Variants in SPTBN2 observed in about 807,000 individuals in gnomAD.
SPTBN2 encodes the protein spectrin beta, non-erythrocytic 2, also known as spectrin beta chain, non-erythrocytic 2.
SPTBN2 carries 107 observed loss-of-function variants against 284.2 expected under a neutral mutation model. That is an observed-to-expected ratio of 0.38 (90% CI 0.32 to 0.44). SPTBN2 has a LOEUF of 0.44. Among genes scored for constraint, SPTBN2 ranks in the 20% least tolerant of loss-of-function variants. The probability of loss-of-function intolerance (pLI) is 1.00; values close to 1 mark genes in which losing one functional copy is unlikely to be tolerated. For missense variants in SPTBN2, 2,569 were observed against 3,287.1 expected (o/e 0.78, Z 5.34); for synonymous variants, 1,289 against 1,354.8 (o/e 0.95, Z 1.07).
chr11:66,717,603 C>T (rs1942205930), intron 3 of SPTBN2, among the ~76,000 whole-genome samples: 1 of 152,176 alleles, frequency 6.6e-6, no homozygotes, highest in Non-Finnish European at 1.5e-5. Flanking sequence ...TTGGGGCCTC[C>T]CGGCAGGTCT....
intron 13 of SPTBN2, among the ~76,000 whole-genome samples, chr11:66,706,141 GCCTT>G (rs924119395): frequency 6.6e-6 from 1 of 152,084 alleles, no homozygotes; most frequent in African/African-American, 2.4e-5. Flanking sequence ...GCACCCAGCA[GCCTT>G]CCTTCCACAT....
intron 1 of SPTBN2, among the ~76,000 whole-genome samples, chr11:66,724,931 G>A (rs1942559897): frequency 6.6e-6 from 1 of 152,190 alleles, no homozygotes; most frequent in African/African-American, 2.4e-5. Context: ...ATGCAGAATT[G>A]GGGGTTTTGT....
At position 66,700,098 on chromosome 11, in the gene SPTBN2, G is replaced by A. The variant is rs1055509181; in HGVS notation, c.3573+428C>T. Reference sequence around the variant, plus strand: ...AGCCTCCCCAGTAGCTGGAGCTACAGGCATGCACCACCATGTCCAGTTAAT... The same window carrying A: ...AGCCTCCCCAGTAGCTGGAGCTACAAGCATGCACCACCATGTCCAGTTAAT... On this transcript the variant is annotated intron_variant, in intron 17 of 37. Coordinates refer to ENST00000533211, the MANE Select transcript of SPTBN2 (RefSeq NM_006946.4). This position sits in a 1 kb window ranked among gnomAD's most constrained non-coding sequence, Gnocchi z 6.6. Among the ~76,000 whole-genome samples the A allele has an allele frequency of 1.3e-5, 2 of 151,852 alleles. No individual in the cohort carries two copies. Among genetic ancestry groups the A allele is most frequent in the African/African-American group, 4.8e-5 (2 of 41,302 alleles).
chr11:66,707,962 T>C lies in SPTBN2; in HGVS notation c.1351-144A>G. On this transcript the variant is annotated intron_variant, in intron 12 of 37. Coordinates refer to ENST00000533211, the MANE Select transcript of SPTBN2 (RefSeq NM_006946.4). The surrounding 1 kb of genome is among the most constrained non-coding windows in gnomAD (Gnocchi z 4.9). ...CCCTCTCTATCCCACCCCCATCCTGTCTCACCAACCCTCTCTCCTGTCCCA... is the reference window on the plus strand; with the variant it reads ...CCCTCTCTATCCCACCCCCATCCTGCCTCACCAACCCTCTCTCCTGTCCCA... 7.2e-7 allele frequency: 1 copy of C among 1,382,408 alleles called. No individual in the cohort carries two copies. Among genetic ancestry groups the C allele is most frequent in the Non-Finnish European group, 9.9e-7 (1 of 1,010,602 alleles). 85.6% of individuals were successfully genotyped at this position (1,382,408 alleles called of 1,614,324 possible).
In SPTBN2 at chr11:66,692,429, T is replaced by G. The variant is rs1940621512; in HGVS notation, c.5190+107A>C. ...GGACAGTGCCTGCTCAGCCTGGTCT[T>G]GCCCCTTAGCCCCTCAGTGCTCTGC... On this transcript the variant is annotated intron_variant, in intron 26 of 37. Coordinates refer to ENST00000533211, the MANE Select transcript of SPTBN2 (RefSeq NM_006946.4). 1.9e-5 allele frequency: 26 copies of G among 1,368,916 alleles called. No individual in the cohort carries two copies. In the South Asian group the frequency reaches 2.7e-4, roughly 14 times the overall value. 84.8% of individuals were successfully genotyped at this position (1,368,916 alleles called of 1,614,324 possible).
intron 15 of SPTBN2, among the ~76,000 whole-genome samples, chr11:66,703,143 C>T (rs1459141940): frequency 1.3e-5 from 2 of 151,568 alleles, no homozygotes; most frequent in South Asian, 2.1e-4. Context: ...TGCAGTGGCA[C>T]GATCTCAGCT....
In SPTBN2 at chr11:66,693,358, G is replaced by A. The variant is rs1940694945; in HGVS notation, c.4682C>T (p.Pro1561Leu). The A allele has an allele frequency of 6.2e-7, 1 of 1,606,352 alleles. No homozygotes were observed. Among genetic ancestry groups the A allele is most frequent in the African/African-American group, 1.3e-5 (1 of 74,932 alleles). ...CATTTCCTGCAGCTCAGCCAGCTCT[G>A]GACCTGCTGCTGCTGCACCTAGAGC... ...QRALGAAAAG[P>L]ELAELQEMWK... Residue 1561 changes from proline to leucine, a missense_variant, in exon 24 of 38, where the codon CCA becomes CTA. Physicochemically the swap from Pro to Leu is moderately conservative, Grantham distance 98 (BLOSUM62 -3). Coordinates refer to ENST00000533211, the MANE Select transcript of SPTBN2 (RefSeq NM_006946.4). The surrounding 1 kb of genome is among the most constrained non-coding windows in gnomAD (Gnocchi z 5.7).
Position 66,694,325 on chromosome 11 carries a change from C to T in SPTBN2, c.4317G>A (p.Val1439=). The change falls in exon 22 of 38, where the codon GTG becomes GTA. Residue 1439 remains valine (V), a synonymous_variant. Coordinates refer to ENST00000533211, the MANE Select transcript of SPTBN2 (RefSeq NM_006946.4). The part of the protein sequence containing the change: ...EWEMAVREKE[V]EAIQAQAKAL... ...CTTTGGCCTGGGCCTGGATTGCCTC[C>T]ACCTCCTTCTCTCTCACAGCCATCT... 3 of 1,614,232 alleles carry T rather than the reference C, an allele frequency of 1.9e-6. No individual in the cohort carries two copies. Among genetic ancestry groups the T allele is most frequent in the South Asian group, 1.1e-5 (1 of 91,090 alleles).
intron 1 of SPTBN2, among the ~76,000 whole-genome samples, chr11:66,727,432 T>G (rs760603109): frequency 5.3e-5 from 8 of 151,908 alleles, no homozygotes; most frequent in Non-Finnish European, 8.8e-5. Flanking sequence ...CTGGGGTCAA[T>G]GGGGTAAAGT....
intron 5 of SPTBN2, 116 bp from the exon 6 acceptor site, chr11:66,714,523 G>A: frequency 2.2e-6 from 2 of 917,210 alleles, no homozygotes; most frequent in Admixed American, 3.8e-5. Context: ...GGGGTGGACA[G>A]GCATAGCCTG....
In SPTBN2 at chr11:66,707,593, G is replaced by A. The variant is rs750503217; in HGVS notation, c.1576C>T (p.Arg526Trp). The change falls in exon 13 of 38, where the codon CGG (arginine) becomes TGG (tryptophan). Residue 526 changes from arginine (R) to tryptophan (W), a missense_variant. This residue lies in a region of SPTBN2 where 1,012 missense variants were observed against 1,248.9 expected (regional missense o/e 0.81). Transcript: ENST00000533211. The surrounding 1 kb of genome is among the most constrained non-coding windows in gnomAD (Gnocchi z 4.9). ...TGCAGCTCCAGGTTGAGGAGGAGCCGCTCCCGCCGGGCGGCCACCATCTGC... is the reference window on the plus strand; with the variant it reads ...TGCAGCTCCAGGTTGAGGAGGAGCCACTCCCGCCGGGCGGCCACCATCTGC... The part of the protein sequence containing the change: ...LRQMVAARRE[R>W]LLLNLELQKV... The A allele has an allele frequency of 1.9e-6, 3 of 1,611,620 alleles. No individual in the cohort carries two copies. The highest frequency in any genetic ancestry group is 1.1e-5 in the South Asian group (1 of 91,046).
intron 1 of SPTBN2, among the ~76,000 whole-genome samples, chr11:66,722,575 C>CAA (rs35183530): frequency 1.2e-3 from 59 of 50,964 alleles, no homozygotes; most frequent in South Asian, 9.4e-3. Flanking sequence ...GACTCTGTCT[C>CAA]AAAAAAAAAA....
Position 66,688,251 on chromosome 11 carries a change from G to A in SPTBN2, c.6292C>T (p.Pro2098Ser), listed in dbSNP as rs1242043389. Residue 2098 changes from proline to serine, a missense_variant, in exon 32 of 38, where the codon CCG becomes TCG. Physicochemically the swap from Pro to Ser is moderately conservative, Grantham distance 74. Transcript: ENST00000533211. ...KREEEERRKQ[P>S]PAPEPTASVP... ...CTGGCTGTGGGTTCGGGAGCAGGCGGCTGTTTCCGCCGCTCCTCCTCCTCC... is the reference window on the plus strand; with the variant it reads ...CTGGCTGTGGGTTCGGGAGCAGGCGACTGTTTCCGCCGCTCCTCCTCCTCC... 3 of 1,613,008 alleles carry A rather than the reference G, an allele frequency of 1.9e-6. No homozygotes were observed. Among genetic ancestry groups the A allele is most frequent in the Non-Finnish European group, 1.7e-6 (2 of 1,179,780 alleles).
In SPTBN2 at chr11:66,701,085, T is replaced by C. The variant is rs1264230866; in HGVS notation, c.3014A>G (p.Glu1005Gly). The change falls in exon 17 of 38, where the codon GAG becomes GGG. Residue 1005 changes from glutamate to glycine, a missense_variant. Around this residue, in one of 6 missense-constraint regions of SPTBN2, gnomAD observed 1,012 missense variants for 1,248.9 expected, o/e 0.81. Transcript: ENST00000533211. ...GGCGGCGATGGCCTCCAGGTCCCGC[T>C]CCGTGCCGGCCAGCTTGCGCTGCAG... ...LALQRKLAGTERDLEAIAARV... is the reference protein window; with the variant it reads ...LALQRKLAGTGRDLEAIAARV... 1 of 1,612,336 alleles carries C rather than the reference T, an allele frequency of 6.2e-7. No individual in the cohort carries two copies. The highest frequency in any genetic ancestry group is 8.5e-7 in the Non-Finnish European group (1 of 1,180,010).
chr11:66,722,446 G>T (rs1942458107), intron 1 of SPTBN2, among the ~76,000 whole-genome samples: 2 of 151,784 alleles, frequency 1.3e-5, no homozygotes, highest in African/African-American at 2.4e-5. Context: ...TGTGGTGGTG[G>T]GTGCCTGTAG....
chr11:66,719,737 A>G (rs967869869), intron 3 of SPTBN2, among the ~76,000 whole-genome samples: 1 of 152,216 alleles, frequency 6.6e-6, no homozygotes. Flanking sequence ...CATGTGTGCA[A>G]ACATGGTGGG....
Position 66,707,943 on chromosome 11 carries a change from C to A in SPTBN2, c.1351-125G>T. Reference sequence around the variant, plus strand: ...CATGCGGTGGCTCTAAGTTCCCTCTCTATCCCACCCCCATCCTGTCTCACC... The same window carrying A: ...CATGCGGTGGCTCTAAGTTCCCTCTATATCCCACCCCCATCCTGTCTCACC... On this transcript the variant is annotated intron_variant, in intron 12 of 37. Coordinates refer to ENST00000533211, the MANE Select transcript of SPTBN2 (RefSeq NM_006946.4). The surrounding 1 kb of genome is among the most constrained non-coding windows in gnomAD (Gnocchi z 4.9). The A allele has an allele frequency of 7.2e-7, 1 of 1,398,326 alleles. No individual in the cohort carries two copies. The allele number at this position is 1,398,326 out of a possible 1,614,324, so 86.6% of individuals were successfully genotyped here.
rs775007929 is a variant in SPTBN2, at chr11:66,687,136, G to A, written c.6754C>T (p.Arg2252Cys). 19 of 1,613,900 alleles carry A rather than the reference G, an allele frequency of 1.2e-5. No homozygotes were observed. The highest frequency in any genetic ancestry group is 6.7e-5 in the African/African-American group (5 of 74,942). Reference protein sequence around the residue: ...SWQNVYCVLRRGSLGFYKDAK... With the variant: ...SWQNVYCVLRCGSLGFYKDAK... The stretch of plus-strand genomic sequence containing the variant: ...TCCTTGTAAAAGCCGAGGCTCCCAC[G>A]CCGCAGGACACAGTACACGTTCTGC... Residue 2252 changes from arginine (R) to cysteine (C), a missense_variant, in exon 36 of 38, where the codon CGT becomes TGT. Physicochemically the swap from Arg to Cys is radical, Grantham distance 180 (BLOSUM62 -3). This residue lies in a region of SPTBN2 where 1,130 missense variants were observed against 1,317.3 expected (regional missense o/e 0.86). Transcript: ENST00000533211. The surrounding 1 kb of genome is among the most constrained non-coding windows in gnomAD (Gnocchi z 5.2).
In SPTBN2 at chr11:66,704,828, T is replaced by C. The variant is rs764395579; in HGVS notation, c.2448A>G (p.Thr816=). The C allele has an allele frequency of 5.0e-6, 8 of 1,607,266 alleles. No individual in the cohort carries two copies. Among genetic ancestry groups the C allele is most frequent in the Non-Finnish European group, 5.9e-6 (7 of 1,179,416 alleles). Residue 816 remains threonine (T), a synonymous_variant, in exon 15 of 38, where the codon ACA becomes ACG. Coordinates refer to ENST00000533211, the MANE Select transcript of SPTBN2 (RefSeq NM_006946.4). ...LREQAAALPP[T]LSRTPEVQSR... is the part of the protein sequence containing the mutation. Reference sequence around the variant, plus strand: ...TCTGCACCTCGGGCGTGCGGCTCAGTGTGGGGGGCAGGGCTGCTGCCTGTT... The same window carrying C: ...TCTGCACCTCGGGCGTGCGGCTCAGCGTGGGGGGCAGGGCTGCTGCCTGTT...
Sources: gnomAD v4.1 joint callset for allele counts (sites outside exome capture counted in the v4.1 genomes callset) on GRCh38, gnomAD v4.1.1 for gene constraint, gnomAD v4.1.1 regional missense constraint, Gnocchi (gnomAD v3.1) non-coding constraint, MANE v1.5 for transcripts, NCBI Gene and HGNC (gene_info 2026-07-23, HGNC 2026-07-21) for gene names.